The following SOBP variants were observed in gnomAD, a reference collection of about 807,000 sequenced individuals.
SOBP encodes the protein sine oculis binding protein homolog.
SOBP carries 4 observed loss-of-function variants against 53.6 expected under a neutral mutation model. That is an observed-to-expected ratio of 0.07 (90% CI 0.04 to 0.17). The LOEUF is 0.17. Ranked by LOEUF, SOBP falls within the 10% of genes least tolerant of loss-of-function variation. The pLI is 1.00. For missense variants in SOBP, 1,088 were observed against 1,204.7 expected (o/e 0.90, Z 1.43); for synonymous variants, 584 against 522.6 (o/e 1.12, Z -1.60).
At chr6:107,492,744 C>T (rs1782610202) in intron 1 of SOBP, among the ~76,000 whole-genome samples, 1 of 152,162 alleles carries the variant, frequency 6.6e-6, no homozygotes, top group South Asian at 2.1e-4. Context: ...CCTTCCAAAT[C>T]ACCACCCACT....
intron 3 of SOBP, among the ~76,000 whole-genome samples, chr6:107,530,634 A>G (rs1783795335): frequency 6.6e-6 from 1 of 152,090 alleles, no homozygotes; most frequent in East Asian, 1.9e-4. Flanking sequence ...TGTTCTTTGG[A>G]TCATTAGCTG....
intron 4 of SOBP, among the ~76,000 whole-genome samples, chr6:107,540,713 G>A (rs977695048): frequency 2.0e-5 from 3 of 152,212 alleles, no homozygotes; most frequent in African/African-American, 7.2e-5. Context: ...CTTTAACAAA[G>A]ATAGTGATAA....
At position 107,608,088 on chromosome 6, in the gene SOBP, G is replaced by A. The variant is rs149352441; in HGVS notation, c.669+20913G>A. Among the ~76,000 whole-genome samples, 1,133 of 152,288 alleles carry A rather than the reference G, an allele frequency of 7.4e-3. 17 individuals are homozygous for A. The highest frequency in any genetic ancestry group is 0.03 in the East Asian group (154 of 5,190). On this transcript the variant is annotated intron_variant, in intron 5 of 6. Transcript: ENST00000317357. ...TGACACTTTGAGTTTCATTTGCCTA[G>A]GACTAGGGTCCTGAAGGAAGGATAG...
chr6:107,541,167 C>T (rs184210846), intron 4 of SOBP, among the ~76,000 whole-genome samples: 5 of 152,254 alleles, frequency 3.3e-5, no homozygotes, highest in African/African-American at 1.2e-4. Context: ...GGGTTAACCA[C>T]TCCTATTATA....
At chr6:107,558,088 TTTATGA>T (rs980721612) in intron 4 of SOBP, 10 of 152,294 alleles carry the variant, frequency 6.6e-5, no homozygotes, top group Non-Finnish European at 2.9e-5. Flanking sequence ...TTCTACAAAA[TTTATGA>T]TTATAAGATG....
chr6:107,519,175 T>C (rs1451600391), intron 3 of SOBP, among the ~76,000 whole-genome samples: 1 of 148,806 alleles, frequency 6.7e-6, no homozygotes, highest in East Asian at 1.9e-4. Context: ...CCAGTGGTTC[T>C]TATCAGGGTG....
chr6:107,640,991 A>G (rs1771286669), intron 6 of SOBP, among the ~76,000 whole-genome samples: 1 of 152,176 alleles, frequency 6.6e-6, no homozygotes, highest in African/African-American at 2.4e-5. Flanking sequence ...TCCCCCTGAA[A>G]TTTCATGGAA....
intron 5 of SOBP, among the ~76,000 whole-genome samples, chr6:107,600,894 A>C (rs192370145): frequency 1.1e-4 from 16 of 152,326 alleles, no homozygotes; most frequent in African/African-American, 3.6e-4. Flanking sequence ...CGATTTTTAC[A>C]GATTTCTACC....
chr6:107,648,005 T>C (rs549553929), intron 6 of SOBP, among the ~76,000 whole-genome samples: 2 of 152,288 alleles, frequency 1.3e-5, no homozygotes, highest in East Asian at 3.9e-4. Flanking sequence ...TGTACTAATA[T>C]GAAGCTTTCT....
chr6:107,643,989 G>A (rs1334785776), intron 6 of SOBP, among the ~76,000 whole-genome samples: 1 of 152,184 alleles, frequency 6.6e-6, no homozygotes, highest in African/African-American at 2.4e-5. Context: ...AAAAGCTAAA[G>A]TGTTCTAACC....
chr6:107,603,477 A>G (rs1031356882), intron 5 of SOBP, among the ~76,000 whole-genome samples: 3 of 152,224 alleles, frequency 2.0e-5, no homozygotes, highest in African/African-American at 7.2e-5. Flanking sequence ...AAAACATGCC[A>G]TCTGTACCCC....
chr6:107,504,080 A>G (rs1182246233), intron 2 of SOBP, among the ~76,000 whole-genome samples: 1 of 152,268 alleles, frequency 6.6e-6, no homozygotes, highest in Non-Finnish European at 1.5e-5. Flanking sequence ...ATTTAAAGAA[A>G]GGGACAATGT....
intron 3 of SOBP, among the ~76,000 whole-genome samples, chr6:107,518,605 A>G (rs907110576): frequency 2.0e-5 from 3 of 152,228 alleles, no homozygotes; most frequent in African/African-American, 4.8e-5. Context: ...CATAATAGCT[A>G]AAAACTGGGA....
chr6:107,496,211 G>A (rs1237877889), intron 1 of SOBP, among the ~76,000 whole-genome samples: 2 of 152,154 alleles, frequency 1.3e-5, no homozygotes, highest in Non-Finnish European at 2.9e-5. Flanking sequence ...ACAAGTCTTG[G>A]TGATTTTTTA....
At chr6:107,544,481 A>G (rs1213539277) in intron 4 of SOBP, among the ~76,000 whole-genome samples, 1 of 152,212 alleles carries the variant, frequency 6.6e-6, no homozygotes, top group Non-Finnish European at 1.5e-5. Context: ...CACTGTGGCA[A>G]GTGCCATGAT....
At chr6:107,640,110 A>C (rs1045674703) in intron 6 of SOBP, among the ~76,000 whole-genome samples, 1 of 152,216 alleles carries the variant, frequency 6.6e-6, no homozygotes, top group Admixed American at 6.5e-5. Context: ...AACTGTTCCA[A>C]GGCAAGGAGT....
chr6:107,539,360 C>T (rs9480781), intron 4 of SOBP, among the ~76,000 whole-genome samples: 2,013 of 152,204 alleles, frequency 0.013, 40 homozygotes, highest in African/African-American at 0.046. Context: ...TTTCAGTGAG[C>T]GGAAGGAAGA....
chr6:107,658,761 G>A lies in SOBP; in HGVS notation c.*558G>A, dbSNP rs948303245. The A allele has an allele frequency of 5.9e-5, 9 of 152,676 alleles. No homozygotes were observed. Among genetic ancestry groups the A allele is most frequent in the African/African-American group, 1.4e-4 (6 of 41,544 alleles). 9.5% of individuals were successfully genotyped at this position (152,676 alleles called of 1,614,324 possible). A position where few individuals can be genotyped will look rare whatever the true frequency, so the allele number is the denominator to read the frequency against. On this transcript the variant is annotated 3_prime_UTR_variant, in exon 7 of 7. Transcript: ENST00000317357. ...CTTCAGAGTCATCTCTGTCCTGCCC[G>A]GGATGCACTTTTAAATGAAGAGTTA...
At chr6:107,549,268 A>AAAAC (rs368265394) in intron 4 of SOBP, among the ~76,000 whole-genome samples, 34 of 152,224 alleles carry the variant, frequency 2.2e-4, no homozygotes, top group South Asian at 1.9e-3. Flanking sequence ...CTTCATCTCA[A>AAAAC]AAACAAACAA....
Sources: gnomAD v4.1 joint callset for allele counts (sites outside exome capture counted in the v4.1 genomes callset) on GRCh38, gnomAD v4.1.1 for gene constraint, MANE v1.5 for transcripts, NCBI Gene and HGNC (gene_info 2026-07-23, HGNC 2026-07-21) for gene names.